SMS: variants seen among roughly 807,000 people sequenced by gnomAD.
SMS encodes the protein spermine synthase.
A neutral mutation model predicts 33.0 loss-of-function variants in SMS; 3 were observed. That is an observed-to-expected ratio of 0.09 (90% CI 0.04 to 0.23). The LOEUF is 0.23. SMS is among the 10% of genes least tolerant of loss of function. The pLI, the probability that SMS is intolerant of heterozygous loss-of-function variation, is 1.00. For missense variants in SMS, 117 were observed against 288.6 expected (o/e 0.41, Z 4.31); for synonymous variants, 103 against 112.2 (o/e 0.92, Z 0.52).
At chrX:21,959,631 C>A (rs1308934228) in intron 1 of SMS, among the ~76,000 whole-genome samples, 2 of 112,780 alleles carry the variant, frequency 1.8e-5, no homozygotes, top group Non-Finnish European at 3.7e-5. Context: ...TTAGAAACAT[C>A]TGAACGTGGT....
At chrX:21,982,160 C>T (rs1379810152) in intron 7 of SMS, among the ~76,000 whole-genome samples, 1 of 107,887 alleles carries the variant, frequency 9.3e-6, no homozygotes, top group Non-Finnish European at 1.9e-5. Context: ...AGTGAAACCC[C>T]GTCTCCACTA....
At chrX:21,977,025 C>G (rs1237871394) in intron 4 of SMS, 36 bp from the exon 5 acceptor site, 2 of 1,172,735 alleles carry the variant, frequency 1.7e-6, no homozygotes, top group Admixed American at 2.2e-5. Context: ...AGGCAGTGTT[C>G]TAGTAAGGTA....
chrX:21,946,580 T>G (rs913127058), intron 1 of SMS, among the ~76,000 whole-genome samples: 2 of 111,714 alleles, frequency 1.8e-5, no homozygotes, highest in African/African-American at 6.5e-5. Context: ...TGGTTCTGCT[T>G]CCACGATTCT....
intron 1 of SMS, among the ~76,000 whole-genome samples, chrX:21,951,297 T>G (rs1922590298): frequency 8.9e-6 from 1 of 112,177 alleles, no homozygotes; most frequent in Non-Finnish European, 1.9e-5. Context: ...GAGGTTATGT[T>G]TTTCTTATAA....
intron 1 of SMS, among the ~76,000 whole-genome samples, chrX:21,950,433 CTT>C (rs55704293): frequency 0.29 from 22,114 of 76,472 alleles, 3,746 homozygotes; most frequent in African/African-American, 0.57. Flanking sequence ...TATGACAGGA[CTT>C]TTTTTTTTTT....
chrX:21,951,010 G>A (rs1163221582), intron 1 of SMS, among the ~76,000 whole-genome samples: 1 of 112,016 alleles, frequency 8.9e-6, no homozygotes, highest in Non-Finnish European at 1.9e-5. Context: ...AGATCCTTGA[G>A]GAATCACCAC....
intron 1 of SMS, among the ~76,000 whole-genome samples, chrX:21,963,742 G>T (rs1323912499): frequency 8.9e-6 from 1 of 111,921 alleles, no homozygotes; most frequent in Non-Finnish European, 1.9e-5. Context: ...GCACAGCCTG[G>T]TCAATTACAC....
intron 7 of SMS, among the ~76,000 whole-genome samples, chrX:21,979,983 A>T (rs1374544907): frequency 9.1e-6 from 1 of 109,838 alleles, no homozygotes; most frequent in African/African-American, 3.3e-5. Context: ...ATAATAATAA[A>T]AAAGAAACCT....
rs1250052447 is a variant in SMS, at chrX:21,980,428, A to AT, written c.750+1462_750+1463insT. ...GGAGACTGTCTCCAAAAAAAAAAAA[A>AT]AATATATATATATATATATATATAT... On this transcript the variant is annotated intron_variant, in intron 7 of 10. Coordinates refer to ENST00000404933, the MANE Select transcript of SMS (RefSeq NM_004595.5). Among the ~76,000 whole-genome samples the AT allele has an allele frequency of 5.7e-3, 488 of 85,820 alleles. 3 individuals carry two copies. Among genetic ancestry groups the AT allele is most frequent in the Non-Finnish European group, 6.7e-3 (288 of 42,971 alleles). 74.5% of individuals were successfully genotyped at this position (85,820 alleles called of 115,157 possible). A position where few individuals can be genotyped will look rare whatever the true frequency, so the allele number is the denominator to read the frequency against.
intron 6 of SMS, among the ~76,000 whole-genome samples, chrX:21,978,443 C>T (rs1364215639): frequency 2.7e-5 from 3 of 111,184 alleles, no homozygotes; most frequent in Non-Finnish European, 5.7e-5. Flanking sequence ...GGCATGGTGG[C>T]GGGCACCTGT....
intron 1 of SMS, among the ~76,000 whole-genome samples, chrX:21,952,211 G>T (rs775326041): frequency 4.5e-5 from 5 of 111,417 alleles, no homozygotes; most frequent in African/African-American, 1.6e-4. Context: ...TATGGGGAGA[G>T]CAGTCTTTTA....
chrX:21,952,908 C>T (rs1403865136), intron 1 of SMS, among the ~76,000 whole-genome samples: 4 of 102,487 alleles, frequency 3.9e-5, no homozygotes, highest in Non-Finnish European at 3.9e-5. Flanking sequence ...ACAACAGGTA[C>T]GCACCATCAT....
At chrX:21,946,949 A>G (rs967284080) in intron 1 of SMS, among the ~76,000 whole-genome samples, 9 of 111,191 alleles carry the variant, frequency 8.1e-5, no homozygotes, top group African/African-American at 2.6e-4. Flanking sequence ...GGGCTCTGTT[A>G]GGAGCTTGGT....
chrX:21,988,661 TCAAAA>T (rs1925535234), intron 9 of SMS, among the ~76,000 whole-genome samples: 1 of 14,958 alleles, frequency 6.7e-5, no homozygotes, highest in African/African-American at 3.3e-4. Flanking sequence ...AGACTCTGTC[TCAAAA>T]AAAAAAAAAA....
intron 1 of SMS, among the ~76,000 whole-genome samples, chrX:21,955,875 A>G (rs1243250257): frequency 8.9e-6 from 1 of 111,782 alleles, no homozygotes; most frequent in African/African-American, 3.3e-5. Flanking sequence ...AGGCTTTAGT[A>G]TACTGTCTTT....
chrX:21,993,872 T>G (rs971546715), intron 10 of SMS, among the ~76,000 whole-genome samples: 1 of 109,341 alleles, frequency 9.1e-6, no homozygotes, highest in Admixed American at 9.8e-5. Context: ...TTCCCTCTCC[T>G]TTCCTCCTCT....
chrX:21,941,308 G>A, intron 1 of SMS: 1 of 222,382 alleles, frequency 4.5e-6, no homozygotes, highest in Non-Finnish European at 8.3e-6. Context: ...GGCGAGCCCG[G>A]GCTGGGGGCG....
intron 1 of SMS, among the ~76,000 whole-genome samples, chrX:21,949,482 G>GC (rs1922462500): frequency 8.9e-6 from 1 of 112,059 alleles, no homozygotes; most frequent in Non-Finnish European, 1.9e-5. Context: ...ATAATGGGTT[G>GC]CCCTGTGTTT....
chrX:21,975,986 C>T (rs999948077), intron 4 of SMS, among the ~76,000 whole-genome samples: 24 of 110,803 alleles, frequency 2.2e-4, no homozygotes, highest in African/African-American at 7.2e-4. Context: ...ACATGACTCA[C>T]GCAGTTGTGT....
Sources: gnomAD v4.1 joint callset for allele counts (sites outside exome capture counted in the v4.1 genomes callset) on GRCh38, gnomAD v4.1.1 for gene constraint, MANE v1.5 for transcripts, NCBI Gene and HGNC (gene_info 2026-07-23, HGNC 2026-07-21) for gene names.